Variants in NCALD observed in about 807,000 individuals in gnomAD.
NCALD encodes neurocalcin-delta.
Under a neutral mutation model 18.6 loss-of-function variants are expected in NCALD, and 10 were observed. The ratio of observed to expected loss-of-function variants is 0.54; its 90% CI spans 0.33 to 0.91. NCALD has a LOEUF of 0.91. Ranked by LOEUF, NCALD falls within the 40% of genes least tolerant of loss-of-function variation. NCALD has a pLI of 0.03. For missense variants in NCALD, 184 were observed against 247.6 expected (o/e 0.74, Z 1.72); for synonymous variants, 88 against 87.4 (o/e 1.01, Z -0.04).
chr8:101,707,363 G>T (rs1255794954), intron 2 of NCALD, among the ~76,000 whole-genome samples: 8 of 152,220 alleles, frequency 5.3e-5, no homozygotes, highest in Admixed American at 5.2e-4. Context: ...GGAAATGAGT[G>T]TGGATTAGTC....
intron 1 of NCALD, among the ~76,000 whole-genome samples, chr8:101,729,998 G>A (rs905215284): frequency 1.3e-5 from 2 of 151,996 alleles, no homozygotes; most frequent in African/African-American, 2.4e-5. Flanking sequence ...AAAAATCTAA[G>A]TAATAAAGGG....
intron 1 of NCALD, among the ~76,000 whole-genome samples, chr8:102,025,183 G>A (rs774092493): frequency 5.3e-5 from 8 of 152,012 alleles, no homozygotes; most frequent in South Asian, 2.1e-4. Flanking sequence ...GAGGCCCCTC[G>A]CTAGCTACTC....
chr8:101,719,275 C>A lies in NCALD; in HGVS notation c.355G>T (p.Ala119Ser). Residue 119 changes from alanine (A) to serine (S), a missense_variant, in exon 2 of 4, where the codon GCA (alanine) becomes TCA (serine). Ala to Ser is a moderately conservative substitution (Grantham distance 99). Transcript: ENST00000220931. ...ACCTGCACGATCTCTAGCATCTCTG[C>A]CTTGCTGATATAGCCATTTCCGTCC... Reference protein sequence around the residue: ...DLDGNGYISKAEMLEIVQAIY... With the variant: ...DLDGNGYISKSEMLEIVQAIY... The A allele has an allele frequency of 6.2e-7, 1 of 1,614,016 alleles. No individual in the cohort carries two copies. The highest frequency in any genetic ancestry group is 2.2e-5 in the East Asian group (1 of 44,894).
chr8:101,859,454 T>A (rs181049205), intron 4 of NCALD, among the ~76,000 whole-genome samples: 2 of 152,274 alleles, frequency 1.3e-5, no homozygotes, highest in East Asian at 3.9e-4. Context: ...TATACATATA[T>A]CCTTTTAGTT....
intron 1 of NCALD, among the ~76,000 whole-genome samples, chr8:102,060,922 G>T (rs1414584461): frequency 6.6e-6 from 1 of 152,110 alleles, no homozygotes; most frequent in Non-Finnish European, 1.5e-5. Context: ...TGCATGGCTT[G>T]GCAGCATTAT....
intron 1 of NCALD, among the ~76,000 whole-genome samples, chr8:102,034,015 T>TACACACACAC (rs34381236): frequency 0.019 from 2,746 of 147,942 alleles, 71 homozygotes; most frequent in African/African-American, 0.062. Flanking sequence ...TCCCTCTAAA[T>TACACACACAC]ACACACACAC....
chr8:101,912,749 T>C (rs1380474391), intron 3 of NCALD, among the ~76,000 whole-genome samples: 1 of 152,230 alleles, frequency 6.6e-6, no homozygotes, highest in East Asian at 1.9e-4. Context: ...CACTGAGTCA[T>C]GTCCTATGTA....
intron 2 of NCALD, among the ~76,000 whole-genome samples, chr8:101,958,188 G>T (rs1819705175): frequency 6.6e-6 from 1 of 152,066 alleles, no homozygotes. Context: ...TAAATTCAGA[G>T]AAATTAACTT....
rs527528389 is a variant in NCALD, at chr8:101,823,489, C to G, written c.-20+63652G>C. Among the ~76,000 whole-genome samples the G allele has an allele frequency of 3.3e-5, 5 of 152,176 alleles. No homozygotes were observed. The South Asian group carries it at 8.3e-4, about 25-fold the overall frequency. ...TGGCCTACCTTGTAATTTCACAGAG[C>G]TTTTTAGGACAAAGGTTTTAAAACA... On this transcript the variant is annotated intron_variant, in intron 4 of 6. Transcript: ENST00000311028.
chr8:101,993,493 T>C (rs1185297144), intron 2 of NCALD, among the ~76,000 whole-genome samples: 6 of 152,206 alleles, frequency 3.9e-5, no homozygotes, highest in Admixed American at 3.9e-4. Flanking sequence ...CTTTGGCTTT[T>C]GGACTAACTC....
At chr8:101,994,887 C>CT (rs1412529136) in intron 2 of NCALD, among the ~76,000 whole-genome samples, 8 of 152,316 alleles carry the variant, frequency 5.3e-5, no homozygotes, top group Admixed American at 2.0e-4. Flanking sequence ...GCCCATCTAA[C>CT]TTTTTTTGCA....
chr8:101,776,175 G>C (rs901107864), intron 1 of NCALD, among the ~76,000 whole-genome samples: 3 of 152,130 alleles, frequency 2.0e-5, no homozygotes, highest in African/African-American at 7.2e-5. Flanking sequence ...GACAAGAGAT[G>C]AATGATCAGA....
chr8:101,935,490 T>C (rs543522783), intron 2 of NCALD, among the ~76,000 whole-genome samples: 1 of 152,158 alleles, frequency 6.6e-6, no homozygotes, highest in Admixed American at 6.5e-5. Flanking sequence ...AGAAAGCAAA[T>C]GGTTAAAATG....
At chr8:101,989,566 TA>T (rs924801853) in intron 2 of NCALD, among the ~76,000 whole-genome samples, 18 of 152,240 alleles carry the variant, frequency 1.2e-4, no homozygotes, top group African/African-American at 4.3e-4. Flanking sequence ...CATTCAATTA[TA>T]AAAACCCAGA....
rs1485281430 is a variant in NCALD, at chr8:102,070,269, T to A, written c.-209-49980A>T. On this transcript the variant is annotated intron_variant, in intron 1 of 6. Transcript: ENST00000311028. ...ACAAAATTACTTCTAGAACACTGTT[T>A]TAATGTCAATATGTAAATATTTAAA... 2.0e-5 allele frequency among the ~76,000 whole-genome samples: 3 copies of A among 152,332 alleles called. No homozygotes were observed. In the East Asian group the frequency reaches 5.8e-4, roughly 29 times the overall value.
At chr8:102,100,674 G>A (rs991729608) in intron 1 of NCALD, among the ~76,000 whole-genome samples, 7 of 152,174 alleles carry the variant, frequency 4.6e-5, no homozygotes, top group Admixed American at 3.3e-4. Flanking sequence ...CAGATGAGTG[G>A]ATAAACAAAA....
chr8:101,848,586 A>C (rs1814965975), intron 4 of NCALD, among the ~76,000 whole-genome samples: 1 of 152,180 alleles, frequency 6.6e-6, no homozygotes, highest in Non-Finnish European at 1.5e-5. Flanking sequence ...TTATATGGAG[A>C]GTCACATTGA....
chr8:102,021,475 A>G (rs898371123), intron 1 of NCALD, among the ~76,000 whole-genome samples: 4 of 152,182 alleles, frequency 2.6e-5, no homozygotes, highest in African/African-American at 7.2e-5. Context: ...ACATTTTTGG[A>G]TTTGTATGAT....
intron 2 of NCALD, among the ~76,000 whole-genome samples, chr8:101,701,098 G>GT (rs1478022712): frequency 6.6e-6 from 1 of 152,216 alleles, no homozygotes; most frequent in African/African-American, 2.4e-5. Context: ...GGCCCCCAGA[G>GT]TGAGTGGGTG....
Sources: allele counts gnomAD v4.1 joint callset (sites outside exome capture counted in the v4.1 genomes callset), GRCh38; gene constraint gnomAD v4.1.1; transcripts MANE v1.5; gene names NCBI Gene and HGNC (gene_info 2026-07-23, HGNC 2026-07-21).